ENOSF1: variants seen among roughly 807,000 people sequenced by gnomAD.
ENOSF1 encodes mitochondrial enolase superfamily member 1.
In ENOSF1, 73 loss-of-function variants were observed where a neutral mutation model predicts 68.2. That is an observed-to-expected ratio of 1.07 (90% CI 0.89 to 1.30). ENOSF1 has a LOEUF of 1.30. Among genes scored for constraint, ENOSF1 ranks in the 50% most tolerant of loss-of-function variants. ENOSF1 has a pLI of 0.00. For missense variants in ENOSF1, 589 were observed against 554.5 expected (o/e 1.06, Z -0.62); for synonymous variants, 223 against 210.4 (o/e 1.06, Z -0.52).
intron 14 of ENOSF1, among the ~76,000 whole-genome samples, chr18:676,486 A>G (rs1203176984): frequency 1.3e-5 from 2 of 152,140 alleles, no homozygotes; most frequent in African/African-American, 4.8e-5. Context: ...GCTCTTGGCC[A>G]TAAGAAGTGC....
chr18:690,331 G>C (rs1241804243), intron 8 of ENOSF1, among the ~76,000 whole-genome samples: 15 of 150,794 alleles, frequency 9.9e-5, no homozygotes, highest in Admixed American at 6.6e-4. Flanking sequence ...TGTGGGGTCT[G>C]AGGCTAGTTC....
rs547848868 is a variant in ENOSF1 at position 678,018 on chromosome 18, G to A, written c.919-146C>T. On this transcript the variant is annotated intron_variant, in intron 12 of 15. Transcript: ENST00000647584. ...CAGACTGTATTTCTTCTTTGTTCTC[G>A]CTGGGCATGAGGCGAGCTTTTATAG... The A allele has an allele frequency of 2.9e-4, 286 of 985,134 alleles. 4 individuals carry two copies. The South Asian group carries it at 3.1e-3, about 11-fold the overall frequency. The allele number at this position is 985,134 out of a possible 1,614,324, so 61.0% of individuals were successfully genotyped here. A position where few individuals can be genotyped will look rare whatever the true frequency, so the allele number is the denominator to read the frequency against.
chr18:692,453 A>T (rs2077279511), intron 5 of ENOSF1: 1 of 154,168 alleles, frequency 6.5e-6, no homozygotes, highest in Non-Finnish European at 1.4e-5. Context: ...CTAAAAATAC[A>T]AAAAATTAGC....
chr18:703,608 C>T (rs563041031), intron 2 of ENOSF1, among the ~76,000 whole-genome samples: 6 of 152,264 alleles, frequency 3.9e-5, no homozygotes, highest in South Asian at 2.1e-4. Flanking sequence ...TGGAGAAAAG[C>T]GGGACTGACT....
intron 10 of ENOSF1, among the ~76,000 whole-genome samples, chr18:684,335 C>G (rs78022061): frequency 6.6e-6 from 1 of 151,984 alleles, no homozygotes; most frequent in Non-Finnish European, 1.5e-5. Context: ...CAAGACCAGG[C>G]TGGGCAACAT....
chr18:667,153 GGT>G (rs1421060913), downstream of ENOSF1, among the ~76,000 whole-genome samples: 7 of 103,998 alleles, frequency 6.7e-5, no homozygotes, highest in Admixed American at 8.7e-5. Context: ...TGATGGTGAT[GGT>G]GATGGAGATG....
chr18:677,555 A>C, intron 13 of ENOSF1, 111 bp from the exon 14 acceptor site: 1 of 1,225,990 alleles, frequency 8.2e-7, no homozygotes, highest in Non-Finnish European at 1.1e-6. Context: ...ATCATTTATT[A>C]ATATTTAGGA....
intron 10 of ENOSF1, among the ~76,000 whole-genome samples, chr18:684,493 T>A (rs1030342200): frequency 2.0e-5 from 3 of 152,128 alleles, no homozygotes; most frequent in African/African-American, 7.2e-5. Flanking sequence ...CATGCTGCTG[T>A]ACTCTAGCCT....
chr18:699,171 T>C (rs989295644), intron 2 of ENOSF1, among the ~76,000 whole-genome samples: 12 of 152,114 alleles, frequency 7.9e-5, no homozygotes, highest in Non-Finnish European at 1.6e-4. Flanking sequence ...TATTTTACTT[T>C]GAAAGGATTT....
At chr18:698,779 C>T (rs950493143) in intron 2 of ENOSF1, among the ~76,000 whole-genome samples, 4 of 151,930 alleles carry the variant, frequency 2.6e-5, no homozygotes, top group African/African-American at 9.7e-5. Flanking sequence ...AGCTGCCATG[C>T]CCAGCTAATT....
intron 3 of ENOSF1, among the ~76,000 whole-genome samples, chr18:694,828 G>T (rs1196038078): frequency 6.6e-6 from 1 of 150,436 alleles, no homozygotes; most frequent in Non-Finnish European, 1.5e-5. Context: ...CTATATATAT[G>T]TTAAGTATAT....
At chr18:689,444 A>C (rs1454879368) in intron 8 of ENOSF1, among the ~76,000 whole-genome samples, 1 of 151,868 alleles carries the variant, frequency 6.6e-6, no homozygotes, top group Non-Finnish European at 1.5e-5. Flanking sequence ...CCACGCCCAG[A>C]TAATTTTTTG....
downstream of ENOSF1, chr18:669,007 A>G: frequency 7.4e-7 from 1 of 1,360,536 alleles, no homozygotes; most frequent in South Asian, 1.2e-5. Flanking sequence ...GATGACCTCT[A>G]AGGCCATCTC....
chr18:682,187 G>A (rs1452311350), intron 11 of ENOSF1, among the ~76,000 whole-genome samples: 4 of 152,142 alleles, frequency 2.6e-5, no homozygotes, highest in South Asian at 2.1e-4. Context: ...GAAATGTGCC[G>A]TTGGGCTGTT....
chr18:671,244 C>CA lies in ENOSF1; in HGVS notation c.*3060dup, dbSNP rs1040243303. ...GCAACATAACAAGATGCTGTTGCTACAAAAAAATGGAAAAGCTACACTAAA... is the reference window on the plus strand; with the variant it reads ...GCAACATAACAAGATGCTGTTGCTACAAAAAAAATGGAAAAGCTACACTAAA... On this transcript the variant is annotated 3_prime_UTR_variant, in exon 16 of 16. Transcript: ENST00000647584. 4.3e-6 allele frequency: 3 copies of CA among 697,488 alleles called. No individual in the cohort carries two copies. Among genetic ancestry groups the CA allele is most frequent in the African/African-American group, 1.8e-5 (1 of 55,688 alleles). The allele number at this position is 697,488 out of a possible 1,614,324, so 43.2% of individuals were successfully genotyped here. A position where few individuals can be genotyped will look rare whatever the true frequency, so the allele number is the denominator to read the frequency against.
At chr18:682,569 T>C (rs995644020) in intron 11 of ENOSF1, among the ~76,000 whole-genome samples, 3 of 151,562 alleles carry the variant, frequency 2.0e-5, no homozygotes, top group African/African-American at 7.3e-5. Flanking sequence ...AGAAAAAAAA[T>C]TATCAGATGA....
chr18:686,492 G>A (rs1164300654), intron 9 of ENOSF1: 1 of 154,640 alleles, frequency 6.5e-6, no homozygotes, highest in East Asian at 1.9e-4. Context: ...AGGGGCCTGA[G>A]GTTCCGGGAG....
rs569412420 is a variant in ENOSF1, at chr18:673,864, G to A, written c.*441C>T. ...AGGAAAAGATGCAAAACCACTTCGGGGTTAATCAGTGAAATATTTTTCCCT... is the reference window on the plus strand; with the variant it reads ...AGGAAAAGATGCAAAACCACTTCGGAGTTAATCAGTGAAATATTTTTCCCT... On this transcript the variant is annotated 3_prime_UTR_variant, in exon 16 of 16. Coordinates refer to ENST00000647584, the MANE Select transcript of ENOSF1 (RefSeq NM_017512.7). 7.8e-5 allele frequency: 12 copies of A among 153,078 alleles called. No homozygotes were observed. The highest frequency in any genetic ancestry group is 3.3e-4 in the Admixed American group (5 of 15,220). The allele number at this position is 153,078 out of a possible 1,614,324, so 9.5% of individuals were successfully genotyped here.
In ENOSF1 at chr18:671,182, G is replaced by A. The variant is rs2075028918; in HGVS notation, c.*3123C>T. 2 of 614,220 alleles carry A rather than the reference G, an allele frequency of 3.3e-6. No homozygotes were observed. Among genetic ancestry groups the A allele is most frequent in the East Asian group, 5.5e-5 (2 of 36,332 alleles). The allele number at this position is 614,220 out of a possible 1,614,324, so 38.0% of individuals were successfully genotyped here. ...AGCACTTTGGGAGACTGAGACAGGA[G>A]CAATTGCTTGAGGTCTGGAGTTCAA... On this transcript the variant is annotated 3_prime_UTR_variant, in exon 16 of 16. Coordinates refer to ENST00000647584, the MANE Select transcript of ENOSF1 (RefSeq NM_017512.7).
Sources: gnomAD v4.1 joint callset for allele counts (sites outside exome capture counted in the v4.1 genomes callset) on GRCh38, gnomAD v4.1.1 for gene constraint, MANE v1.5 for transcripts, NCBI Gene and HGNC (gene_info 2026-07-23, HGNC 2026-07-21) for gene names.